SLC16A4: variants seen among roughly 807,000 people sequenced by gnomAD.
SLC16A4 encodes the protein solute carrier family 16 member 4, also known as probable monocarboxylate transporter 5.
Under a neutral mutation model 47.9 loss-of-function variants are expected in SLC16A4, and 39 were observed. The ratio of observed to expected loss-of-function variants is 0.81; its 90% CI spans 0.63 to 1.06. The LOEUF (loss-of-function observed/expected upper bound fraction) is 1.06, where lower values mean the gene tolerates loss of function less well. Among genes scored for constraint, SLC16A4 ranks in the 50% least tolerant of loss-of-function variants. The pLI is 0.00. For synonymous variants in SLC16A4, 189 were observed against 199.9 expected (o/e 0.95, Z 0.46); for missense variants, 524 against 573.8 (o/e 0.91, Z 0.89).
In SLC16A4 at chr1:110,387,811, T is replaced by C. The variant is rs1404344645; in HGVS notation, c.87+1426A>G. ...TTAGGGCATCCTTTAGTTTCCCTAT[T>C]AGTAACATTTCTAGGGGGAAAATGA... On this transcript the variant is annotated intron_variant, in intron 2 of 8. Coordinates refer to ENST00000369779, the MANE Select transcript of SLC16A4 (RefSeq NM_004696.3). Among the ~76,000 whole-genome samples, 4 of 29,472 alleles carry C rather than the reference T, an allele frequency of 1.4e-4. No individual in the cohort carries two copies. The Admixed American group carries it at 1.6e-3, about 12-fold the overall frequency. The allele number at this position is 29,472 out of a possible 152,430, so 19.3% of individuals were successfully genotyped here. A position where few individuals can be genotyped will look rare whatever the true frequency, so the allele number is the denominator to read the frequency against.
intron 8 of SLC16A4, among the ~76,000 whole-genome samples, chr1:110,364,918 G>C (rs1362028519): frequency 6.7e-6 from 1 of 149,598 alleles, no homozygotes; most frequent in Admixed American, 6.6e-5. Flanking sequence ...TTTTTTAACT[G>C]AGTAGGTGAT....
In SLC16A4 at chr1:110,379,351, G is replaced by A. The variant is rs1245191736; in HGVS notation, c.532C>T (p.Leu178Phe). The stretch of plus-strand genomic sequence containing the variant: ...AATGCGATAGCTCCAAATAATATAA[G>A]GGCTCCTAAATAGGGAGAGATTGAG... ...LIDLYDWTGALILFGAIALNL... is the reference protein window; with the variant it reads ...LIDLYDWTGAFILFGAIALNL... Residue 178 changes from leucine to phenylalanine, a missense_variant, in exon 6 of 9, where the codon CTT (leucine) becomes TTT (phenylalanine). Coordinates refer to ENST00000369779, the MANE Select transcript of SLC16A4 (RefSeq NM_004696.3). 41 of 1,595,630 alleles carry A rather than the reference G, an allele frequency of 2.6e-5. No individual in the cohort carries two copies. Among genetic ancestry groups the A allele is most frequent in the Non-Finnish European group, 3.4e-5 (40 of 1,167,292 alleles).
At position 110,381,890 on chromosome 1, in the gene SLC16A4, G is replaced by A. The variant is rs1662417684; in HGVS notation, c.221-95C>T. The A allele has an allele frequency of 2.3e-5, 27 of 1,185,264 alleles. 2 individuals carry two copies. The Middle Eastern group carries it at 1.9e-3, about 85-fold the overall frequency. The allele number at this position is 1,185,264 out of a possible 1,614,324, so 73.4% of individuals were successfully genotyped here. On this transcript the variant is annotated intron_variant, in intron 3 of 8. Transcript: ENST00000369779. ...TTTAAATGAATGACAAGGAAAGCAA[G>A]AGGACTGTTTACTTTGAAGTATTAC...
At chr1:110,390,234 C>A (rs534416229) in intron 1 of SLC16A4, among the ~76,000 whole-genome samples, 18 of 152,244 alleles carry the variant, frequency 1.2e-4, no homozygotes, top group African/African-American at 3.1e-4. Context: ...GTCCCTCCCC[C>A]CAGGTCTGCA....
chr1:110,390,841 CACA>C (rs1663002578), intron 1 of SLC16A4, 21 bp downstream of exon 1: 1 of 152,178 alleles, frequency 6.6e-6, no homozygotes, highest in Non-Finnish European at 1.5e-5. Flanking sequence ...ACCAACCCAG[CACA>C]CAGTCCCATT....
Position 110,379,131 on chromosome 1 carries a change from T to C in SLC16A4, c.752A>G (p.Asn251Ser). The C allele has an allele frequency of 2.5e-6, 4 of 1,614,236 alleles. No homozygotes were observed. The highest frequency in any genetic ancestry group is 3.4e-6 in the Non-Finnish European group (4 of 1,180,046). Residue 251 changes from asparagine (N) to serine (S), a missense_variant, in exon 6 of 9, where the codon AAT becomes AGT. By Grantham distance (46) the Asn-to-Ser change is conservative (BLOSUM62 1). Coordinates refer to ENST00000369779, the MANE Select transcript of SLC16A4 (RefSeq NM_004696.3). ...ACTTTGATTTTGTGAGACTGTTAAA[T>C]TTTTGCTAGGTAGTCCAGCCTTCTG... is the stretch of plus-strand genomic sequence containing the variant. Reference protein sequence around the residue: ...TTQKAGLPSKNLTVSQNQSEE... With the variant: ...TTQKAGLPSKSLTVSQNQSEE...
intron 2 of SLC16A4, among the ~76,000 whole-genome samples, chr1:110,383,652 T>TG (rs1459028787): frequency 1.3e-5 from 2 of 152,036 alleles, no homozygotes; most frequent in African/African-American, 2.4e-5. Context: ...CCGAGCAATT[T>TG]GGGGAGGGTC....
intron 8 of SLC16A4, among the ~76,000 whole-genome samples, chr1:110,367,381 G>A (rs1306635866): frequency 1.3e-5 from 2 of 152,226 alleles, no homozygotes; most frequent in Non-Finnish European, 2.9e-5. Flanking sequence ...GACGGCTCAT[G>A]CCTATAATCT....
At chr1:110,385,509 C>T (rs1194111047) in intron 2 of SLC16A4, among the ~76,000 whole-genome samples, 1 of 152,218 alleles carries the variant, frequency 6.6e-6, no homozygotes, top group African/African-American at 2.4e-5. Flanking sequence ...CATAAACTCA[C>T]ATTTCCCTTA....
At chr1:110,375,720 T>C (rs1661962107) in intron 7 of SLC16A4, among the ~76,000 whole-genome samples, 169 bp from the exon 8 acceptor site, 2 of 152,218 alleles carry the variant, frequency 1.3e-5, no homozygotes, top group African/African-American at 4.8e-5. Context: ...TGAGGACTAA[T>C]AGCGAACAGT....
chr1:110,367,708 T>A (rs1433304868), intron 8 of SLC16A4, among the ~76,000 whole-genome samples: 2 of 151,662 alleles, frequency 1.3e-5, no homozygotes, highest in Admixed American at 6.6e-5. Context: ...AAATTTAAAA[T>A]ATATATATAT....
rs1003155793 is a variant in SLC16A4, at chr1:110,391,003, G to A, written c.-171C>T. 6.6e-6 allele frequency: 1 copy of A among 152,228 alleles called. No individual in the cohort carries two copies. The highest frequency in any genetic ancestry group is 1.5e-5 in the Non-Finnish European group (1 of 68,040). 9.4% of individuals were successfully genotyped at this position (152,228 alleles called of 1,614,324 possible). On this transcript the variant is annotated 5_prime_UTR_variant, in exon 1 of 9. Transcript: ENST00000369779. Reference sequence around the variant, plus strand: ...TGCATTGTGAAAACAAGTGAGCATTGTAAGAGCCAAGGAGGGCTCAGACGA... The same window carrying A: ...TGCATTGTGAAAACAAGTGAGCATTATAAGAGCCAAGGAGGGCTCAGACGA...
intron 8 of SLC16A4, chr1:110,370,544 A>G (rs1661630630): frequency 6.6e-6 from 1 of 152,144 alleles, no homozygotes; most frequent in African/African-American, 2.4e-5. Context: ...TGGGACAGAG[A>G]TGAGCTTAGA....
At chr1:110,383,839 G>A (rs1662587069) in intron 2 of SLC16A4, among the ~76,000 whole-genome samples, 4 of 104,394 alleles carry the variant, frequency 3.8e-5, no homozygotes, top group Admixed American at 2.4e-4. Flanking sequence ...TTTTGGAAAC[G>A]GCTGTTAGTT....
intron 8 of SLC16A4, among the ~76,000 whole-genome samples, chr1:110,374,130 C>G (rs993985392): frequency 3.3e-5 from 5 of 151,728 alleles, no homozygotes; most frequent in African/African-American, 1.2e-4. Flanking sequence ...ACCTCTGTCC[C>G]CCGGGTTCAA....
intron 8 of SLC16A4, chr1:110,370,747 A>G (rs540999315): frequency 1.3e-5 from 2 of 152,350 alleles, no homozygotes; most frequent in South Asian, 4.1e-4. Flanking sequence ...GGCGTTAGAA[A>G]TGATTTTTCT....
chr1:110,379,352 G>A lies in SLC16A4; in HGVS notation c.531C>T (p.Ala177=), dbSNP rs757190959. ...ATGCGATAGCTCCAAATAATATAAG[G>A]GCTCCTAAATAGGGAGAGATTGAGC... is the stretch of plus-strand genomic sequence containing the variant. ...FLIDLYDWTG[A]LILFGAIALN... is the part of the protein sequence containing the mutation. Residue 177 remains alanine (A), a synonymous_variant, in exon 6 of 9, where the codon GCC becomes GCT. Transcript: ENST00000369779. 1.3e-6 allele frequency: 2 copies of A among 1,595,590 alleles called. No homozygotes were observed. The highest frequency in any genetic ancestry group is 2.2e-5 in the South Asian group (2 of 89,946).
intron 2 of SLC16A4, among the ~76,000 whole-genome samples, chr1:110,383,815 T>TTG (rs1335434855): frequency 0.03 from 3,088 of 104,254 alleles, 233 homozygotes; most frequent in African/African-American, 0.091. Context: ...GTTTTTTTTT[T>TTG]TTTTTTTTTT....
At chr1:110,388,236 A>T (rs1434821557) in intron 2 of SLC16A4, among the ~76,000 whole-genome samples, 1 of 152,170 alleles carries the variant, frequency 6.6e-6, no homozygotes, top group Non-Finnish European at 1.5e-5. Flanking sequence ...TGGAATGGGC[A>T]TGCTGATGAT....
Sources: allele counts gnomAD v4.1 joint callset (sites outside exome capture counted in the v4.1 genomes callset), GRCh38; gene constraint gnomAD v4.1.1; transcripts MANE v1.5; gene names NCBI Gene and HGNC (gene_info 2026-07-23, HGNC 2026-07-21).